The following POLN variants were observed in gnomAD, a reference collection of about 807,000 sequenced individuals.
The protein encoded by POLN is DNA polymerase N.
Under a neutral mutation model 113.5 loss-of-function variants are expected in POLN, and 108 were observed. The observed-to-expected ratio is 0.95, with a 90% confidence interval of 0.81 to 1.12. POLN has a LOEUF of 1.12. Among genes scored for constraint, POLN ranks in the 50% most tolerant of loss-of-function variants. POLN has a pLI of 0.00. For synonymous variants in POLN, 386 were observed against 391.5 expected, an observed-to-expected ratio of 0.99 and a Z score of 0.17; for missense variants, 1,097 against 1,077.1, an observed-to-expected ratio of 1.02 and a Z score of -0.26.
intron 11 of POLN, among the ~76,000 whole-genome samples, chr4:2,172,171 A>G (rs1437076739): frequency 2.6e-5 from 4 of 152,222 alleles, no homozygotes; most frequent in Non-Finnish European, 4.4e-5. Flanking sequence ...CCAGAGCTCT[A>G]AAGTAGAGTC....
chr4:2,102,489 C>G (rs1363847178), intron 19 of POLN, among the ~76,000 whole-genome samples: 1 of 152,182 alleles, frequency 6.6e-6, no homozygotes, highest in Non-Finnish European at 1.5e-5. Flanking sequence ...CATCTCACAA[C>G]CACTGCTACT....
chr4:2,237,143 A>T (rs554140218), intron 2 of POLN, among the ~76,000 whole-genome samples: 10 of 152,142 alleles, frequency 6.6e-5, no homozygotes, highest in African/African-American at 2.4e-4. Flanking sequence ...CTCATAGAAT[A>T]TAACTATGAT....
chr4:2,149,986 G>A (rs940023627), intron 16 of POLN, among the ~76,000 whole-genome samples: 1 of 152,022 alleles, frequency 6.6e-6, no homozygotes, highest in African/African-American at 2.4e-5. Context: ...GGGAAGCTGA[G>A]GCAGGAGAAT....
At chr4:2,215,394 T>C (rs1230426012) in intron 3 of POLN, among the ~76,000 whole-genome samples, 3 of 152,094 alleles carry the variant, frequency 2.0e-5, no homozygotes, top group Non-Finnish European at 4.4e-5. Flanking sequence ...AGGTTTGCAT[T>C]TGAAAAGGTG....
At chr4:2,157,987 C>T in intron 14 of POLN, 76 bp from the exon 15 acceptor site, 2 of 1,191,164 alleles carry the variant, frequency 1.7e-6, no homozygotes, top group Non-Finnish European at 2.4e-6. Flanking sequence ...AGTCTCGCTC[C>T]ATTGCCCAGG....
chr4:2,189,638 C>CAGA (rs1733386226), intron 7 of POLN, among the ~76,000 whole-genome samples: 1 of 140,498 alleles, frequency 7.1e-6, no homozygotes, highest in African/African-American at 2.9e-5. Flanking sequence ...GACTCCATCT[C>CAGA]AAACAAAAAA....
chr4:2,171,444 C>T (rs1732859529), intron 11 of POLN, among the ~76,000 whole-genome samples: 1 of 147,804 alleles, frequency 6.8e-6, no homozygotes, highest in Non-Finnish European at 1.5e-5. Flanking sequence ...ACCTGTGGTC[C>T]TAGCTGCTTG....
At chr4:2,205,305 T>C (rs1733815797) in intron 5 of POLN, among the ~76,000 whole-genome samples, 1 of 152,090 alleles carries the variant, frequency 6.6e-6, no homozygotes, top group African/African-American at 2.4e-5. Context: ...GTGACTAAGC[T>C]GAGAATCAAA....
chr4:2,186,337 G>A (rs1259461887), intron 7 of POLN, among the ~76,000 whole-genome samples: 2 of 152,132 alleles, frequency 1.3e-5, no homozygotes, highest in Non-Finnish European at 2.9e-5. Context: ...GCAGACACTC[G>A]GCTCTGTACC....
At chr4:2,227,116 C>T (rs775811346) in intron 3 of POLN, among the ~76,000 whole-genome samples, 1 of 152,184 alleles carries the variant, frequency 6.6e-6, no homozygotes, top group Non-Finnish European at 1.5e-5. Flanking sequence ...ACCAACAGAA[C>T]ACACCAAAGG....
intron 3 of POLN, among the ~76,000 whole-genome samples, chr4:2,225,616 T>G (rs1436139171): frequency 6.6e-6 from 1 of 151,004 alleles, no homozygotes; most frequent in Admixed American, 6.6e-5. Flanking sequence ...TTTTGTTTGT[T>G]TTTTCTAAAA....
At chr4:2,188,402 C>A (rs1345477177) in intron 7 of POLN, among the ~76,000 whole-genome samples, 1 of 152,150 alleles carries the variant, frequency 6.6e-6, no homozygotes, top group East Asian at 1.9e-4. Flanking sequence ...AGATCAAGAC[C>A]ATCCTGGCTA....
intron 19 of POLN, among the ~76,000 whole-genome samples, chr4:2,117,934 G>A (rs1731355781): frequency 6.6e-6 from 1 of 152,228 alleles, no homozygotes; most frequent in Non-Finnish European, 1.5e-5. Context: ...GGAGCCCAAG[G>A]GTTGCTTTAA....
At chr4:2,130,611 T>C (rs1731704015) in intron 17 of POLN, among the ~76,000 whole-genome samples, 1 of 152,194 alleles carries the variant, frequency 6.6e-6, no homozygotes, top group South Asian at 2.1e-4. Context: ...ACATTTCCAG[T>C]AATGTTCAAA....
intron 9 of POLN, among the ~76,000 whole-genome samples, chr4:2,175,526 A>C (rs1212096862): frequency 6.6e-6 from 1 of 152,198 alleles, no homozygotes; most frequent in East Asian, 1.9e-4. Flanking sequence ...GGAACATTAG[A>C]ATCTTTATTC....
Position 2,233,232 on chromosome 4 carries a change from A to G in POLN, c.-12-3989T>C, listed in dbSNP as rs1480165456. Among the ~76,000 whole-genome samples, 3 of 152,332 alleles carry G rather than the reference A, an allele frequency of 2.0e-5. No individual in the cohort carries two copies. In the East Asian group the frequency reaches 5.8e-4, roughly 29 times the overall value. Reference sequence around the variant, plus strand: ...GAATATACTGAGAAACAACAATCTCATCTTTACCTTCAATTAAATACTAAA... The same window carrying G: ...GAATATACTGAGAAACAACAATCTCGTCTTTACCTTCAATTAAATACTAAA... On this transcript the variant is annotated intron_variant, in intron 2 of 25. Transcript: ENST00000511885.
Position 2,146,774 on chromosome 4 carries a change from A to T in POLN, c.1731+10014T>A, listed in dbSNP as rs564988757. Among the ~76,000 whole-genome samples, 33 of 152,330 alleles carry T rather than the reference A, an allele frequency of 2.2e-4. No individual in the cohort carries two copies. In the South Asian group the frequency reaches 6.4e-3, roughly 30 times the overall value. On this transcript the variant is annotated intron_variant, in intron 16 of 25. Transcript: ENST00000511885. Reference sequence around the variant, plus strand: ...AAGATATGTTCATGGATCTAGGGGCAGAAAAAGTATCTCGACAGAGGTAAC... The same window carrying T: ...AAGATATGTTCATGGATCTAGGGGCTGAAAAAGTATCTCGACAGAGGTAAC...
chr4:2,180,066 C>T (rs377722111), intron 7 of POLN, among the ~76,000 whole-genome samples: 2 of 152,172 alleles, frequency 1.3e-5, no homozygotes, highest in South Asian at 2.1e-4. Flanking sequence ...TAATGTGTGG[C>T]GCTTTGGTAC....
In POLN at chr4:2,131,439, T is replaced by C. The variant is rs75446706; in HGVS notation, c.1732-149A>G. On this transcript the variant is annotated intron_variant, in intron 16 of 25. Transcript: ENST00000511885. Reference sequence around the variant, plus strand: ...AGCACATTAATACTTAATACAGTTGTCTAATATCAAAACATAATTTTGGTG... The same window carrying C: ...AGCACATTAATACTTAATACAGTTGCCTAATATCAAAACATAATTTTGGTG... 3.6e-3 allele frequency: 1,899 copies of C among 523,746 alleles called. 34 individuals are homozygous for C. The highest frequency in any genetic ancestry group is 0.035 in the African/African-American group (1,748 of 50,324). The allele number at this position is 523,746 out of a possible 1,614,324, so 32.4% of individuals were successfully genotyped here.
Sources: gnomAD v4.1 joint callset for allele counts (sites outside exome capture counted in the v4.1 genomes callset) on GRCh38, gnomAD v4.1.1 for gene constraint, MANE v1.5 for transcripts, NCBI Gene and HGNC (gene_info 2026-07-23, HGNC 2026-07-21) for gene names.